The following RNF128 variants were observed in gnomAD, a reference collection of about 807,000 sequenced individuals.
RNF128 encodes E3 ubiquitin-protein ligase RNF128.
In RNF128, 13 loss-of-function variants were observed where a neutral mutation model predicts 26.2. The observed-to-expected ratio is 0.50, with a 90% confidence interval of 0.32 to 0.79. The LOEUF (loss-of-function observed/expected upper bound fraction) is 0.79. Among genes scored for constraint, RNF128 ranks in the 30% least tolerant of loss-of-function variants. The pLI is 0.03. For synonymous variants in RNF128, 149 were observed against 142.5 expected (o/e 1.05, Z -0.32); for missense variants, 315 against 349.7 (o/e 0.90, Z 0.79).
Position 106,726,977 on chromosome X carries a change from G to A in RNF128, c.64G>A (p.Ala22Thr), listed in dbSNP as rs1379065487. Reference protein sequence around the residue: ...RGGCGFSRLLAWCFLLALSPQ... With the variant: ...RGGCGFSRLLTWCFLLALSPQ... The stretch of plus-strand genomic sequence containing the variant: ...TGGCTGCGGCTTTTCCAGATTGCTG[G>A]CATGGTGCTTCCTGCTGGCCCTGAG... The change falls in exon 1 of 7, where the codon GCA (alanine) becomes ACA (threonine). Residue 22 changes from alanine to threonine, a missense_variant. By Grantham distance (58) the Ala-to-Thr change is moderately conservative. Coordinates refer to ENST00000255499, the MANE Select transcript of RNF128 (RefSeq NM_194463.2). 4 of 1,197,792 alleles carry A rather than the reference G, an allele frequency of 3.3e-6. No homozygotes were observed. The highest frequency in any genetic ancestry group is 4.5e-6 in the Non-Finnish European group (4 of 889,064).
At chrX:106,766,528 G>T (rs1930247673) in intron 1 of RNF128, among the ~76,000 whole-genome samples, 1 of 112,193 alleles carries the variant, frequency 8.9e-6, no homozygotes, top group African/African-American at 3.2e-5. Flanking sequence ...AGAAGTGTCT[G>T]TTCATATCCT....
chrX:106,787,264 A>G (rs1270873307), intron 3 of RNF128, among the ~76,000 whole-genome samples: 1 of 111,821 alleles, frequency 8.9e-6, no homozygotes, highest in Non-Finnish European at 1.9e-5. Context: ...TAGCAATAAA[A>G]GTGTGATGGG....
Position 106,795,765 on chromosome X carries a change from C to T in RNF128, c.*52C>T, listed in dbSNP as rs1450704896. On this transcript the variant is annotated 3_prime_UTR_variant, in exon 7 of 7. Coordinates refer to ENST00000255499, the MANE Select transcript of RNF128 (RefSeq NM_194463.2). ...CATTAGTAATAACAGAACTGCCAAT[C>T]AGGGCCTAGTTTCTATTAATAAATT... 1 of 1,009,465 alleles carries T rather than the reference C, an allele frequency of 9.9e-7. No homozygotes were observed. Among genetic ancestry groups the T allele is most frequent in the Non-Finnish European group, 1.3e-6 (1 of 746,191 alleles). 83.2% of individuals were successfully genotyped at this position (1,009,465 alleles called of 1,213,427 possible).
chrX:106,718,577 A>G (rs1929256882), intron 1 of RNF128, among the ~76,000 whole-genome samples: 1 of 108,081 alleles, frequency 9.3e-6, no homozygotes, highest in African/African-American at 3.4e-5. Context: ...GTGATTTTAT[A>G]GATGCCAGGG....
At chrX:106,733,756 C>T (rs142983352) in intron 1 of RNF128, among the ~76,000 whole-genome samples, 1,621 of 110,398 alleles carry the variant, frequency 0.015, 34 homozygotes, top group African/African-American at 0.051. Context: ...GCTGGAGTAC[C>T]ATGGCGTGGT....
At chrX:106,736,427 C>T (rs867433762) in intron 1 of RNF128, among the ~76,000 whole-genome samples, 1 of 111,390 alleles carries the variant, frequency 9.0e-6, no homozygotes, top group Non-Finnish European at 1.9e-5. Flanking sequence ...ATTAATTTTA[C>T]CTTAGGTAAT....
intron 1 of RNF128, among the ~76,000 whole-genome samples, chrX:106,765,630 G>C (rs939657969): frequency 9.0e-6 from 1 of 111,538 alleles, no homozygotes; most frequent in African/African-American, 3.3e-5. Context: ...ATACAACAGA[G>C]GGTGTCTACA....
At chrX:106,716,940 T>A (rs1929226018) in intron 1 of RNF128, among the ~76,000 whole-genome samples, 1 of 111,422 alleles carries the variant, frequency 9.0e-6, no homozygotes, top group African/African-American at 3.3e-5. Flanking sequence ...CGGTGGCTCA[T>A]GCTTGTAATC....
chrX:106,791,230 A>G lies in RNF128; in HGVS notation c.1149A>G (p.Ser383=). 8.3e-7 allele frequency: 1 copy of G among 1,207,406 alleles called. No individual in the cohort carries two copies. The highest frequency in any genetic ancestry group is 1.1e-6 in the Non-Finnish European group (1 of 892,842). Residue 383 remains serine, a synonymous_variant, in exon 6 of 7, where the codon TCA becomes TCG. Coordinates refer to ENST00000255499, the MANE Select transcript of RNF128 (RefSeq NM_194463.2). ...CGCCTCTGGAGGAACACGTGCAGTC[A>G]ACAAGTAAGCATCATACTAAAGGTT... The part of the protein sequence containing the change: ...DEPPLEEHVQ[S]TNESLQLVNH...
chrX:106,758,108 A>G (rs1201838256), intron 1 of RNF128, among the ~76,000 whole-genome samples: 1 of 112,778 alleles, frequency 8.9e-6, no homozygotes, highest in East Asian at 2.8e-4. Context: ...ATCAACATAT[A>G]TAAATCAGTA....
intron 1 of RNF128, among the ~76,000 whole-genome samples, chrX:106,760,491 A>G (rs1218003111): frequency 1.8e-5 from 2 of 111,849 alleles, no homozygotes; most frequent in African/African-American, 6.5e-5. Context: ...ACAAACAAAT[A>G]CTGGCAAGGA....
intron 2 of RNF128, among the ~76,000 whole-genome samples, chrX:106,779,145 G>A (rs1055296218): frequency 4.5e-5 from 5 of 111,385 alleles, no homozygotes; most frequent in Non-Finnish European, 9.4e-5. Context: ...ACAAAAGAAA[G>A]CTCTTATAAT....
At chrX:106,703,779 C>A (rs1426134487) in intron 1 of RNF128, among the ~76,000 whole-genome samples, 1 of 110,350 alleles carries the variant, frequency 9.1e-6, no homozygotes, top group African/African-American at 3.3e-5. Context: ...AAGACCAGTA[C>A]CGGGAATATG....
chrX:106,749,444 A>C (rs1298547501), intron 1 of RNF128, among the ~76,000 whole-genome samples: 3 of 112,189 alleles, frequency 2.7e-5, no homozygotes, highest in Non-Finnish European at 3.8e-5. Flanking sequence ...GAAACACACA[A>C]CACCACACAA....
intron 1 of RNF128, among the ~76,000 whole-genome samples, chrX:106,754,478 C>G (rs1929966026): frequency 1.3e-5 from 1 of 77,766 alleles, no homozygotes; most frequent in Non-Finnish European, 2.2e-5. Flanking sequence ...CCAAGCTGTT[C>G]TCAAACTCCT....
At position 106,779,348 on chromosome X, in the gene RNF128, C is replaced by CGTGTGTGTGTGT. The variant is rs372716238; in HGVS notation, c.733-5686_733-5675dup. On this transcript the variant is annotated intron_variant, in intron 2 of 6. Coordinates refer to ENST00000255499, the MANE Select transcript of RNF128 (RefSeq NM_194463.2). ...TAATACATCTATCCCTACACAGTTA[C>CGTGTGTGTGTGT]GTGTGTGTGTGTGTGTGTGTGTGTG... 3.1e-3 allele frequency among the ~76,000 whole-genome samples: 278 copies of CGTGTGTGTGTGT among 90,106 alleles called. 4 individuals carry two copies. The highest frequency in any genetic ancestry group is 0.011 in the African/African-American group (263 of 24,160). 78.2% of individuals were successfully genotyped at this position (90,106 alleles called of 115,157 possible). A position where few individuals can be genotyped will look rare whatever the true frequency, so the allele number is the denominator to read the frequency against.
At chrX:106,705,382 G>A in intron 1 of RNF128, among the ~76,000 whole-genome samples, 1 of 112,237 alleles carries the variant, frequency 8.9e-6, no homozygotes, top group Non-Finnish European at 1.9e-5. Context: ...GAGGAGATTA[G>A]GATTTTAGTA....
intron 1 of RNF128, among the ~76,000 whole-genome samples, chrX:106,741,793 A>G (rs942008979): frequency 8.9e-6 from 1 of 112,001 alleles, no homozygotes; most frequent in African/African-American, 3.2e-5. Context: ...GCACTCTGCT[A>G]GTTGCTATAG....
chrX:106,778,919 A>T lies in RNF128; in HGVS notation c.732+5759A>T, dbSNP rs769849616. Among the ~76,000 whole-genome samples, 17 of 112,077 alleles carry T rather than the reference A, an allele frequency of 1.5e-4. No homozygotes were observed. The East Asian group carries it at 4.7e-3, about 31-fold the overall frequency. ...ACTAGTACACGAAATTATCTGGAAG[A>T]TTCATTAAGTACCTGCACACTGTAC... On this transcript the variant is annotated intron_variant, in intron 2 of 6. Coordinates refer to ENST00000255499, the MANE Select transcript of RNF128 (RefSeq NM_194463.2).
Sources: allele counts gnomAD v4.1 joint callset (sites outside exome capture counted in the v4.1 genomes callset), GRCh38; gene constraint gnomAD v4.1.1; transcripts MANE v1.5; gene names NCBI Gene and HGNC (gene_info 2026-07-23, HGNC 2026-07-21).